PTPRM: variants seen among roughly 807,000 people sequenced by gnomAD.
PTPRM encodes the protein receptor-type tyrosine-protein phosphatase mu.
Under a neutral mutation model 186.7 loss-of-function variants are expected in PTPRM, and 47 were observed. The observed-to-expected ratio is 0.25, with a 90% CI of 0.20 to 0.32. The LOEUF (loss-of-function observed/expected upper bound fraction) is 0.32, where lower values mean the gene tolerates loss of function less well. Among genes scored for constraint, PTPRM ranks in the 10% least tolerant of loss-of-function variants. The pLI is 1.00. For synonymous variants in PTPRM, 668 were observed against 674.9 expected, an observed-to-expected ratio of 0.99 and a Z score of 0.16; for missense variants, 1,494 against 1,865.0, an observed-to-expected ratio of 0.80 and a Z score of 3.66.
rs149345628 is a variant in PTPRM, at chr18:7,944,528, A to G, written c.664-4653A>G. ...AATACACTGAAATCTTTAACATGTC[A>G]TACTTCTTGTTGCAGTCTGTATTGT... On this transcript the variant is annotated intron_variant, in intron 5 of 32. Coordinates refer to ENST00000580170, the MANE Select transcript of PTPRM (RefSeq NM_001105244.2). Among the ~76,000 whole-genome samples the G allele has an allele frequency of 4.0e-3, 615 of 152,290 alleles. 3 individuals are homozygous for G. Among genetic ancestry groups the G allele is most frequent in the African/African-American group, 0.014 (589 of 41,556 alleles).
chr18:8,300,074 A>T (rs1291414456), intron 20 of PTPRM, among the ~76,000 whole-genome samples: 8 of 152,208 alleles, frequency 5.3e-5, no homozygotes, highest in Admixed American at 3.3e-4. Context: ...GTTTAAATCT[A>T]CCTCCTACCA....
chr18:7,570,462 A>G lies in PTPRM; in HGVS notation c.73+2571A>G, dbSNP rs551512052. 1.8e-4 allele frequency among the ~76,000 whole-genome samples: 27 copies of G among 152,344 alleles called. No individual in the cohort carries two copies. The South Asian group carries it at 5.4e-3, about 30-fold the overall frequency. ...CTGACTTTCTCACAAAACATTTCTC[A>G]TAGATCCTTAGATGTCACAGGCATT... On this transcript the variant is annotated intron_variant, in intron 1 of 32. Transcript: ENST00000580170.
chr18:7,992,008 G>T (rs2083292425), intron 7 of PTPRM, among the ~76,000 whole-genome samples: 1 of 152,102 alleles, frequency 6.6e-6, no homozygotes, highest in Non-Finnish European at 1.5e-5. Flanking sequence ...AAAGATACAT[G>T]ATAAGGTAAA....
intron 22 of PTPRM, among the ~76,000 whole-genome samples, chr18:8,319,466 A>G (rs1382834061): frequency 6.6e-6 from 1 of 152,210 alleles, no homozygotes; most frequent in Non-Finnish European, 1.5e-5. Flanking sequence ...CCTTAGGAGT[A>G]AGTTGGACAT....
At chr18:7,716,319 C>G (rs564238919) in intron 1 of PTPRM, among the ~76,000 whole-genome samples, 1 of 151,078 alleles carries the variant, frequency 6.6e-6, no homozygotes. Flanking sequence ...TGTAGAAAAC[C>G]TTTTACAAAA....
chr18:8,306,590 A>G (rs1157588791), intron 20 of PTPRM, among the ~76,000 whole-genome samples: 1 of 152,214 alleles, frequency 6.6e-6, no homozygotes, highest in Non-Finnish European at 1.5e-5. Context: ...CGTGGTTTTC[A>G]TGGTTAGTAA....
intron 6 of PTPRM, among the ~76,000 whole-genome samples, chr18:7,953,118 A>G (rs2053085905): frequency 6.6e-6 from 1 of 152,178 alleles, no homozygotes; most frequent in South Asian, 2.1e-4. Flanking sequence ...ACTTCATTTG[A>G]TTTAGCATAT....
chr18:7,976,318 G>A (rs1462298238), intron 7 of PTPRM, among the ~76,000 whole-genome samples: 1 of 152,208 alleles, frequency 6.6e-6, no homozygotes, highest in Non-Finnish European at 1.5e-5. Context: ...GGGATAAATA[G>A]GTAGATCATA....
In PTPRM at chr18:7,567,943, G is replaced by C. The variant is rs970666626; in HGVS notation, c.73+52G>C. Reference sequence around the variant, plus strand: ...CGAGGCGCGCGGGCCGGCGCGGGACGCCCGGGACGCCGACAGCTCCCTGGT... The same window carrying C: ...CGAGGCGCGCGGGCCGGCGCGGGACCCCCGGGACGCCGACAGCTCCCTGGT... On this transcript the variant is annotated intron_variant, in intron 1 of 32. Coordinates refer to ENST00000580170, the MANE Select transcript of PTPRM (RefSeq NM_001105244.2). This position sits in a 1 kb window ranked among gnomAD's most constrained non-coding sequence, Gnocchi z 4.3. 6.7e-7 allele frequency: 1 copy of C among 1,493,668 alleles called. No individual in the cohort carries two copies. The highest frequency in any genetic ancestry group is 1.5e-5 in the African/African-American group (1 of 67,860). 92.5% of individuals were successfully genotyped at this position (1,493,668 alleles called of 1,614,324 possible). A position where few individuals can be genotyped will look rare whatever the true frequency, so the allele number is the denominator to read the frequency against.
chr18:8,074,559 C>T (rs542879422), intron 8 of PTPRM, among the ~76,000 whole-genome samples: 1 of 152,264 alleles, frequency 6.6e-6, no homozygotes, highest in African/African-American at 2.4e-5. Flanking sequence ...TTCCTTCTTG[C>T]CAGCACTTGT....
chr18:7,613,937 A>G (rs1042392085), intron 1 of PTPRM, among the ~76,000 whole-genome samples: 1 of 152,232 alleles, frequency 6.6e-6, no homozygotes, highest in Non-Finnish European at 1.5e-5. Flanking sequence ...AAGGCTTAAC[A>G]TTTATAGTCT....
rs77492252 is a variant in PTPRM, at chr18:8,351,828, C to T, written c.3054+8308C>T. On this transcript the variant is annotated intron_variant, in intron 23 of 32. Transcript: ENST00000580170. ...CATCAGCCAAGAAAGGAGGCACTAA[C>T]GAATACTGAGCTATCAGCAGCAGGA... Among the ~76,000 whole-genome samples the T allele has an allele frequency of 9.6e-3, 1,457 of 152,302 alleles. 17 individuals carry two copies. The highest frequency in any genetic ancestry group is 0.032 in the African/African-American group (1,342 of 41,562).
At chr18:7,763,695 T>A (rs2041887397) in intron 1 of PTPRM, among the ~76,000 whole-genome samples, 1 of 152,218 alleles carries the variant, frequency 6.6e-6, no homozygotes, top group Non-Finnish European at 1.5e-5. Flanking sequence ...ACCCAATGAA[T>A]ATAATGTGTA....
intron 19 of PTPRM, among the ~76,000 whole-genome samples, chr18:8,274,830 C>T (rs1471777053): frequency 1.3e-5 from 2 of 152,168 alleles, no homozygotes; most frequent in East Asian, 1.9e-4. Context: ...TTGTCAAGAG[C>T]TTGCATGCAT....
chr18:7,692,404 C>A (rs2039752211), intron 1 of PTPRM, among the ~76,000 whole-genome samples: 1 of 151,848 alleles, frequency 6.6e-6, no homozygotes, highest in Non-Finnish European at 1.5e-5. Context: ...ATGGCTAGAT[C>A]CCAGGAGGTT....
intron 22 of PTPRM, among the ~76,000 whole-genome samples, chr18:8,336,294 C>T (rs1347855382): frequency 1.3e-5 from 2 of 152,150 alleles, no homozygotes; most frequent in African/African-American, 4.8e-5. Context: ...CACAGTGGCT[C>T]ATCCCTGCAA....
chr18:8,347,740 T>G (rs954880506), intron 23 of PTPRM, among the ~76,000 whole-genome samples: 1 of 152,168 alleles, frequency 6.6e-6, no homozygotes, highest in Non-Finnish European at 1.5e-5. Flanking sequence ...GGTTTCTGGT[T>G]TACCCATAAA....
chr18:8,397,132 G>A (rs2095848921), intron 32 of PTPRM, among the ~76,000 whole-genome samples: 1 of 152,240 alleles, frequency 6.6e-6, no homozygotes, highest in East Asian at 1.9e-4. Flanking sequence ...GTGCCAGACA[G>A]CCCTGGGGGC....
intron 4 of PTPRM, among the ~76,000 whole-genome samples, chr18:7,916,022 G>T: frequency 6.6e-6 from 1 of 152,130 alleles, no homozygotes; most frequent in East Asian, 1.9e-4. Context: ...AAAACTACAC[G>T]TTTTCACTTA....
Sources: gnomAD v4.1 joint callset for allele counts (sites outside exome capture counted in the v4.1 genomes callset) on GRCh38, gnomAD v4.1.1 for gene constraint, Gnocchi (gnomAD v3.1) non-coding constraint, MANE v1.5 for transcripts, NCBI Gene and HGNC (gene_info 2026-07-23, HGNC 2026-07-21) for gene names.